MCPH1: variants seen among roughly 807,000 people sequenced by gnomAD.
The protein encoded by MCPH1 is microcephalin 1, also known as microcephalin.
In MCPH1, 104 loss-of-function variants were observed where a neutral mutation model predicts 84.5. The ratio of observed to expected loss-of-function variants is 1.23; its 90% CI spans 1.05 to 1.45. The LOEUF (loss-of-function observed/expected upper bound fraction) is 1.45, where lower values mean the gene tolerates loss of function less well. Ranked by LOEUF, MCPH1 falls within the 40% of genes most tolerant of loss-of-function variation. MCPH1 has a pLI of 0.00. For missense variants in MCPH1, 1,498 were observed against 1,005.7 expected, an observed-to-expected ratio of 1.49 and a Z score of -6.62; for synonymous variants, 514 against 366.8, an observed-to-expected ratio of 1.40 and a Z score of -4.58.
chr8:6,416,797 C>T (rs934064453), intron 3 of MCPH1, among the ~76,000 whole-genome samples: 8 of 148,454 alleles, frequency 5.4e-5, no homozygotes, highest in Admixed American at 2.8e-4. Context: ...AGTTTGAGAC[C>T]AGCCTGATCA....
At chr8:6,478,604 A>G (rs990993403) in intron 10 of MCPH1, among the ~76,000 whole-genome samples, 2 of 152,100 alleles carry the variant, frequency 1.3e-5, no homozygotes, top group Non-Finnish European at 2.9e-5. Flanking sequence ...AGACCTGGAC[A>G]TTCTGATTTT....
At chr8:6,558,698 C>T (rs1009785150) in intron 12 of MCPH1, among the ~76,000 whole-genome samples, 1 of 152,052 alleles carries the variant, frequency 6.6e-6, no homozygotes, top group Non-Finnish European at 1.5e-5. Context: ...TTTCCTAGTT[C>T]TAAACTCTGC....
chr8:6,497,219 A>G (rs1811334008), intron 11 of MCPH1, among the ~76,000 whole-genome samples: 1 of 151,892 alleles, frequency 6.6e-6, no homozygotes, highest in Non-Finnish European at 1.5e-5. Flanking sequence ...GGTGGCTCAC[A>G]CCTATAATCC....
intron 13 of MCPH1, among the ~76,000 whole-genome samples, chr8:6,639,982 TC>T (rs2129583679): frequency 6.6e-6 from 1 of 151,938 alleles, no homozygotes; most frequent in Non-Finnish European, 1.5e-5. Flanking sequence ...CAAGCAGTCC[TC>T]CCACCTTAGC....
chr8:6,617,679 G>A (rs1160974783), intron 12 of MCPH1, among the ~76,000 whole-genome samples: 1 of 151,942 alleles, frequency 6.6e-6, no homozygotes, highest in Non-Finnish European at 1.5e-5. Flanking sequence ...TTGGGGGTGG[G>A]GAGTTGTATT....
chr8:6,476,022 TATC>T (rs1191797011), intron 9 of MCPH1, among the ~76,000 whole-genome samples: 2 of 152,296 alleles, frequency 1.3e-5, no homozygotes, highest in Admixed American at 6.5e-5. Flanking sequence ...AGGTTAAACT[TATC>T]ATCAAAATAG....
intron 12 of MCPH1, among the ~76,000 whole-genome samples, chr8:6,536,244 G>C (rs1231104574): frequency 6.6e-6 from 1 of 152,096 alleles, no homozygotes; most frequent in African/African-American, 2.4e-5. Context: ...GGTAGGTACT[G>C]TTTCTTGGTT....
At chr8:6,611,852 T>G (rs975831799) in intron 12 of MCPH1, among the ~76,000 whole-genome samples, 1 of 152,152 alleles carries the variant, frequency 6.6e-6, no homozygotes, top group Admixed American at 6.5e-5. Flanking sequence ...TCTCCTGACC[T>G]CGTGATCCAC....
Position 6,580,099 on chromosome 8 carries a change from G to T in MCPH1, c.2215-41355G>T, listed in dbSNP as rs150844323. Among the ~76,000 whole-genome samples the T allele has an allele frequency of 2.7e-3, 418 of 152,276 alleles. 1 individual carries two copies. Among genetic ancestry groups the T allele is most frequent in the African/African-American group, 9.5e-3 (393 of 41,558 alleles). The stretch of plus-strand genomic sequence containing the variant: ...TGCCTGTTCCCTAGAATCCACATGC[G>T]CTGGGACAATGGGAAGTATCGGTAG... On this transcript the variant is annotated intron_variant, in intron 12 of 13. Transcript: ENST00000344683.
At chr8:6,488,267 G>A (rs1324499767) in intron 11 of MCPH1, among the ~76,000 whole-genome samples, 1 of 152,226 alleles carries the variant, frequency 6.6e-6, no homozygotes, top group Non-Finnish European at 1.5e-5. Context: ...TTCCCAGGTT[G>A]GAGCCGCTGT....
At position 6,594,741 on chromosome 8, in the gene MCPH1, T is replaced by C. The variant is rs74300095; in HGVS notation, c.2215-26713T>C. ...ACTGCAGGGGAAGGGAGGATTGGCC[T>C]GTCACTTGCCATCTCTCATTTCTGC... On this transcript the variant is annotated intron_variant, in intron 12 of 13. Transcript: ENST00000344683. Among the ~76,000 whole-genome samples, 121 of 146,390 alleles carry C rather than the reference T, an allele frequency of 8.3e-4. 3 individuals carry two copies. The East Asian group carries it at 0.021, about 26-fold the overall frequency.
chr8:6,453,233 C>T (rs1272345041), intron 8 of MCPH1, among the ~76,000 whole-genome samples: 1 of 152,206 alleles, frequency 6.6e-6, no homozygotes, highest in Non-Finnish European at 1.5e-5. Flanking sequence ...TTCAGAAGTA[C>T]TTTGCACTCT....
intron 12 of MCPH1, chr8:6,501,450 G>C (rs1812159248): frequency 6.6e-6 from 1 of 151,782 alleles, no homozygotes; most frequent in Non-Finnish European, 1.5e-5. Context: ...ATGTTCATTA[G>C]TATTAATTGT....
At chr8:6,452,096 T>C (rs1805162656) in intron 8 of MCPH1, among the ~76,000 whole-genome samples, 1 of 152,244 alleles carries the variant, frequency 6.6e-6, no homozygotes, top group Non-Finnish European at 1.5e-5. Context: ...CATCGTCCAC[T>C]TCTTCATCTC....
intron 13 of MCPH1, chr8:6,625,108 C>G (rs1831930125): frequency 1.2e-6 from 1 of 833,096 alleles, no homozygotes. Context: ...CCCCCAACCT[C>G]AAGTGATCCT....
chr8:6,452,391 A>T lies in MCPH1; in HGVS notation c.1826-2752A>T, dbSNP rs188378027. On this transcript the variant is annotated intron_variant, in intron 8 of 13. Coordinates refer to ENST00000344683, the MANE Select transcript of MCPH1 (RefSeq NM_024596.5). The stretch of plus-strand genomic sequence containing the variant: ...GTGAAATTTCAGATAACTGAAAGAT[A>T]AAAATGTGGGGTCTGTCAGATTCAT... 1.1e-3 allele frequency among the ~76,000 whole-genome samples: 173 copies of T among 152,378 alleles called. 2 individuals are homozygous for T. Among genetic ancestry groups the T allele is most frequent in the African/African-American group, 4.1e-3 (169 of 41,582 alleles).
At chr8:6,508,794 C>T in intron 12 of MCPH1, 8 of 1,204,228 alleles carry the variant, frequency 6.6e-6, no homozygotes, top group Non-Finnish European at 9.7e-6. Flanking sequence ...ACACATTTAC[C>T]TATATCAAGC....
chr8:6,502,353 G>GA (rs909740921), intron 12 of MCPH1: 3 of 151,994 alleles, frequency 2.0e-5, no homozygotes, highest in Admixed American at 1.3e-4. Context: ...CAATCAGGCA[G>GA]AAAAAAATAG....
intron 13 of MCPH1, among the ~76,000 whole-genome samples, chr8:6,640,818 C>T (rs1329011916): frequency 6.6e-6 from 1 of 152,122 alleles, no homozygotes; most frequent in Non-Finnish European, 1.5e-5. Flanking sequence ...ATATTTAGAC[C>T]TTTAATGCAT....
Sources: gnomAD v4.1 joint callset for allele counts (sites outside exome capture counted in the v4.1 genomes callset) on GRCh38, gnomAD v4.1.1 for gene constraint, MANE v1.5 for transcripts, NCBI Gene and HGNC (gene_info 2026-07-23, HGNC 2026-07-21) for gene names.